CFAP43: variants seen among roughly 807,000 people sequenced by gnomAD.
CFAP43 encodes the protein cilia- and flagella-associated protein 43.
Under a neutral mutation model 218.9 loss-of-function variants are expected in CFAP43, and 155 were observed. The ratio of observed to expected loss-of-function variants is 0.71; its 90% CI spans 0.62 to 0.81. The LOEUF is 0.81. CFAP43 is among the 30% of genes least tolerant of loss of function. CFAP43 has a pLI of 0.00. For synonymous variants in CFAP43, 645 were observed against 681.3 expected (o/e 0.95, Z 0.83); for missense variants, 1,778 against 1,954.3 (o/e 0.91, Z 1.70).
chr10:104,132,607 C>A, intron 35 of CFAP43: 1 of 982,270 alleles, frequency 1.0e-6, no homozygotes. Flanking sequence ...AGAGCAAAAC[C>A]CCATCTCAAA....
At chr10:104,155,045 A>C (rs2088467863) in intron 27 of CFAP43, among the ~76,000 whole-genome samples, 1 of 152,156 alleles carries the variant, frequency 6.6e-6, no homozygotes, top group Admixed American at 6.5e-5. Context: ...CAATGAAGCC[A>C]TCTCAGGTGG....
At chr10:104,222,770 C>T (rs1407546502) in intron 3 of CFAP43, among the ~76,000 whole-genome samples, 1 of 152,158 alleles carries the variant, frequency 6.6e-6, no homozygotes. Context: ...CTCAGATATA[C>T]CTAAAATGTA....
chr10:104,230,799 T>C lies in CFAP43; in HGVS notation c.110A>G (p.Asp37Gly). The C allele has an allele frequency of 1.9e-6, 3 of 1,613,682 alleles. No homozygotes were observed. The highest frequency in any genetic ancestry group is 2.5e-6 in the Non-Finnish European group (3 of 1,179,938). ...FPKQNVHFVN[D>G]NTICYPCGNY... Reference sequence around the variant, plus strand: ...CCCACAAGGGTAGCAAATGGTGTTGTCGTTGACAAAATGAACATTCTGCTT... The same window carrying C: ...CCCACAAGGGTAGCAAATGGTGTTGCCGTTGACAAAATGAACATTCTGCTT... The change falls in exon 2 of 38, where the codon GAC becomes GGC. Residue 37 changes from aspartate to glycine, a missense_variant. Coordinates refer to ENST00000357060, the MANE Select transcript of CFAP43 (RefSeq NM_025145.7).
chr10:104,215,888 T>G (rs2090999167), intron 3 of CFAP43, among the ~76,000 whole-genome samples: 1 of 152,084 alleles, frequency 6.6e-6, no homozygotes, highest in Non-Finnish European at 1.5e-5. Flanking sequence ...AGGTGTGTCC[T>G]TCCTCCTACC....
chr10:104,136,295 G>GA (rs2087446627), intron 34 of CFAP43, among the ~76,000 whole-genome samples: 1 of 142,598 alleles, frequency 7.0e-6, no homozygotes, highest in Non-Finnish European at 1.5e-5. Context: ...AAGAAAAGAA[G>GA]AAAGAAAACA....
chr10:104,140,391 A>G (rs2087651697), intron 34 of CFAP43, among the ~76,000 whole-genome samples: 1 of 152,240 alleles, frequency 6.6e-6, no homozygotes, highest in Admixed American at 6.5e-5. Context: ...AGTTCTTCAA[A>G]TGATTCTAAT....
chr10:104,178,653 T>C (rs2089715379), intron 19 of CFAP43, among the ~76,000 whole-genome samples: 1 of 151,916 alleles, frequency 6.6e-6, no homozygotes, highest in African/African-American at 2.4e-5. Flanking sequence ...AATGAAAAAG[T>C]AGAAAGAAGA....
intron 2 of CFAP43, among the ~76,000 whole-genome samples, chr10:104,230,200 C>T (rs939911603): frequency 6.6e-6 from 1 of 151,516 alleles, no homozygotes; most frequent in Non-Finnish European, 1.5e-5. Context: ...GGCGTGGTGG[C>T]TCATGCCTGT....
chr10:104,149,606 T>A (rs590676), intron 28 of CFAP43, among the ~76,000 whole-genome samples: 42,395 of 151,886 alleles, frequency 0.28, 8,470 homozygotes, highest in African/African-American at 0.58. Context: ...GGTTTAATTT[T>A]TTACAACTAT....
chr10:104,150,774 A>C (rs2134773611), intron 28 of CFAP43, among the ~76,000 whole-genome samples: 1 of 152,202 alleles, frequency 6.6e-6, no homozygotes, highest in Non-Finnish European at 1.5e-5. Flanking sequence ...GTACATATGC[A>C]TGTTTGTTAT....
intron 16 of CFAP43, among the ~76,000 whole-genome samples, chr10:104,183,324 A>T (rs1445984921): frequency 6.6e-6 from 1 of 152,036 alleles, no homozygotes; most frequent in East Asian, 1.9e-4. Flanking sequence ...ACATTGTAAC[A>T]GATGATTTAG....
chr10:104,208,831 T>A (rs1016240887), intron 5 of CFAP43, among the ~76,000 whole-genome samples: 1 of 152,180 alleles, frequency 6.6e-6, no homozygotes, highest in African/African-American at 2.4e-5. Context: ...AATTAGACAC[T>A]TGAGATTAAG....
intron 34 of CFAP43, among the ~76,000 whole-genome samples, chr10:104,138,403 C>T (rs1366671006): frequency 6.6e-6 from 1 of 152,112 alleles, no homozygotes; most frequent in Non-Finnish European, 1.5e-5. Context: ...GCCGGTGGCA[C>T]GGTGGCTCAG....
intron 4 of CFAP43, among the ~76,000 whole-genome samples, chr10:104,213,692 T>C (rs2090929873): frequency 6.6e-6 from 1 of 152,022 alleles, no homozygotes; most frequent in Admixed American, 6.6e-5. Context: ...TGCGCCACCA[T>C]GCCCGGCTAA....
chr10:104,190,097 C>T (rs1320242956), intron 12 of CFAP43, among the ~76,000 whole-genome samples: 4 of 139,294 alleles, frequency 2.9e-5, no homozygotes, highest in Admixed American at 7.7e-5. Flanking sequence ...GATCACGCCA[C>T]TGCACTCCAG....
Position 104,187,511 on chromosome 10 carries a change from G to A in CFAP43, c.1688-19C>T, listed in dbSNP as rs1253129184. 1 of 1,517,570 alleles carries A rather than the reference G, an allele frequency of 6.6e-7. No homozygotes were observed. The highest frequency in any genetic ancestry group is 1.3e-5 in the South Asian group (1 of 75,076). 94.0% of individuals were successfully genotyped at this position (1,517,570 alleles called of 1,614,324 possible). A position where few individuals can be genotyped will look rare whatever the true frequency, so the allele number is the denominator to read the frequency against. On this transcript the variant is annotated intron_variant, in intron 13 of 37. Transcript: ENST00000357060. ...GTGGAAACTATTAGATTTGGAAAAA[G>A]AAGAGAAATCACTTGTACCATAAAT... is the stretch of plus-strand genomic sequence containing the variant.
chr10:104,205,823 A>G (rs2090671378), intron 7 of CFAP43, 140 bp downstream of exon 7: 1 of 715,846 alleles, frequency 1.4e-6, no homozygotes, highest in African/African-American at 1.8e-5. Context: ...CCTTTTTAAT[A>G]GTACCCAAAG....
At chr10:104,224,378 G>A (rs1005451291) in intron 3 of CFAP43, among the ~76,000 whole-genome samples, 5 of 151,968 alleles carry the variant, frequency 3.3e-5, no homozygotes, top group African/African-American at 1.2e-4. Flanking sequence ...ACGGTGATGG[G>A]TTTATACATA....
chr10:104,163,377 A>G (rs779820585), intron 24 of CFAP43, among the ~76,000 whole-genome samples: 26 of 152,154 alleles, frequency 1.7e-4, no homozygotes, highest in Admixed American at 8.5e-4. Context: ...TTACTTCTAA[A>G]CACCACTATT....
Sources: gnomAD v4.1 joint callset for allele counts (sites outside exome capture counted in the v4.1 genomes callset) on GRCh38, gnomAD v4.1.1 for gene constraint, MANE v1.5 for transcripts, NCBI Gene and HGNC (gene_info 2026-07-23, HGNC 2026-07-21) for gene names.